SH3PXD2A: variants seen among roughly 807,000 people sequenced by gnomAD.
SH3PXD2A encodes the protein SH3 and PX domains 2A, also known as SH3 and PX domain-containing protein 2A.
A neutral mutation model predicts 115.2 loss-of-function variants in SH3PXD2A; 32 were observed. The observed-to-expected ratio is 0.28, with a 90% CI of 0.21 to 0.37. The LOEUF (loss-of-function observed/expected upper bound fraction) is 0.37, where lower values mean the gene tolerates loss of function less well. SH3PXD2A is among the 10% of genes least tolerant of loss of function. The pLI is 1.00. For missense variants in SH3PXD2A, 1,328 were observed against 1,498.7 expected (o/e 0.89, Z 1.88); for synonymous variants, 610 against 629.1 (o/e 0.97, Z 0.45).
chr10:103,763,231 C>A (rs569486842), intron 3 of SH3PXD2A, among the ~76,000 whole-genome samples: 2 of 152,328 alleles, frequency 1.3e-5, no homozygotes, highest in South Asian at 2.1e-4. Context: ...AGTAAAATTT[C>A]TATGAGCCCT....
At chr10:103,759,276 C>A (rs2038675015) in intron 3 of SH3PXD2A, among the ~76,000 whole-genome samples, 1 of 152,216 alleles carries the variant, frequency 6.6e-6, no homozygotes, top group Non-Finnish European at 1.5e-5. Context: ...ACAAAAGAAG[C>A]AAGCATGCCT....
intron 1 of SH3PXD2A, among the ~76,000 whole-genome samples, chr10:103,827,502 C>G (rs2039442173): frequency 6.6e-6 from 1 of 152,216 alleles, no homozygotes. Flanking sequence ...AGCTACATGA[C>G]TCTCTGAGCC....
chr10:103,833,373 C>T (rs1194117942), intron 1 of SH3PXD2A, among the ~76,000 whole-genome samples: 1 of 152,084 alleles, frequency 6.6e-6, no homozygotes, highest in East Asian at 1.9e-4. Context: ...TGAACTGACC[C>T]ATCTGACATA....
intron 5 of SH3PXD2A, among the ~76,000 whole-genome samples, chr10:103,702,004 A>T (rs976200136): frequency 2.9e-5 from 4 of 138,198 alleles, no homozygotes; most frequent in Non-Finnish European, 6.0e-5. Flanking sequence ...CCATCCATCC[A>T]TCTATCCATC....
intron 2 of SH3PXD2A, among the ~76,000 whole-genome samples, chr10:103,799,752 C>CACT (rs1169581521): frequency 2.0e-5 from 3 of 152,248 alleles, no homozygotes; most frequent in African/African-American, 7.2e-5. Flanking sequence ...CTGTCCAGCA[C>CACT]ACTGCACCCA....
chr10:103,841,546 T>G lies in SH3PXD2A; in HGVS notation c.72+13649A>C, dbSNP rs192914768. ...TGTTTTGGCCAGTTTCAGTCTCCAT[T>G]AGGTCATCATGAGGCCTCACTGCTG... On this transcript the variant is annotated intron_variant, in intron 1 of 14. Coordinates refer to ENST00000369774, the MANE Select transcript of SH3PXD2A (RefSeq NM_001394015.1). 1.9e-3 allele frequency among the ~76,000 whole-genome samples: 285 copies of G among 152,196 alleles called. 1 individual carries two copies. The highest frequency in any genetic ancestry group is 3.1e-3 in the Non-Finnish European group (214 of 68,006).
intron 6 of SH3PXD2A, 105 bp downstream of exon 6, chr10:103,692,923 C>A: frequency 1.1e-6 from 1 of 943,300 alleles, no homozygotes; most frequent in South Asian, 1.4e-5. Flanking sequence ...CGTGCAAGGA[C>A]AACCCCCCCC....
chr10:103,842,166 C>T (rs1213518619), intron 1 of SH3PXD2A, among the ~76,000 whole-genome samples: 2 of 151,558 alleles, frequency 1.3e-5, no homozygotes, highest in Non-Finnish European at 2.9e-5. Context: ...CCACCATCAC[C>T]AACATGCCTG....
chr10:103,841,413 G>A (rs2039596843), intron 1 of SH3PXD2A, among the ~76,000 whole-genome samples: 1 of 152,174 alleles, frequency 6.6e-6, no homozygotes, highest in African/African-American at 2.4e-5. Flanking sequence ...GGGCCCTGGA[G>A]TTCCTACCCA....
intron 6 of SH3PXD2A, among the ~76,000 whole-genome samples, chr10:103,692,229 AG>A (rs1351582249): frequency 6.6e-6 from 1 of 152,186 alleles, no homozygotes; most frequent in Non-Finnish European, 1.5e-5. Flanking sequence ...GCCCACATCC[AG>A]GCGTTTGCCA....
intron 1 of SH3PXD2A, among the ~76,000 whole-genome samples, chr10:103,810,948 G>GCACA (rs1459501583): frequency 7.0e-4 from 3 of 4,268 alleles, no homozygotes; most frequent in African/African-American, 2.2e-3. Context: ...ACAGGCGCGC[G>GCACA]CGCGCACACA....
chr10:103,810,705 C>T (rs2039257455), intron 1 of SH3PXD2A, among the ~76,000 whole-genome samples: 1 of 151,992 alleles, frequency 6.6e-6, no homozygotes, highest in Admixed American at 6.6e-5. Flanking sequence ...TGAATGTGGG[C>T]TATTTAGACA....
intron 1 of SH3PXD2A, among the ~76,000 whole-genome samples, chr10:103,821,370 C>T (rs1021581384): frequency 6.6e-6 from 1 of 152,126 alleles, no homozygotes; most frequent in African/African-American, 2.4e-5. Flanking sequence ...CTCAAGTGAT[C>T]CGTCTGCCTC....
intron 8 of SH3PXD2A, among the ~76,000 whole-genome samples, chr10:103,642,587 G>C (rs992430718): frequency 5.3e-5 from 8 of 152,108 alleles, no homozygotes; most frequent in African/African-American, 1.7e-4. Context: ...TGAAGAATGA[G>C]GCTTAAGTTC....
At chr10:103,814,999 G>GC in intron 1 of SH3PXD2A, among the ~76,000 whole-genome samples, 1 of 151,814 alleles carries the variant, frequency 6.6e-6, no homozygotes, top group East Asian at 1.9e-4. Context: ...GAGGTGGGGG[G>GC]CTCTTCAGTT....
rs1188801964 is a variant in SH3PXD2A at position 103,662,346 on chromosome 10, G to T, written c.473-1232C>A. On this transcript the variant is annotated intron_variant, in intron 7 of 14. Coordinates refer to ENST00000369774, the MANE Select transcript of SH3PXD2A (RefSeq NM_001394015.1). ...CTTCCCATCACCATTATTGGCGGGG[G>T]GGGGGGCGGGGGGGGATAAGACACT... is the stretch of plus-strand genomic sequence containing the variant. Among the ~76,000 whole-genome samples, 4 of 91,050 alleles carry T rather than the reference G, an allele frequency of 4.4e-5. 1 individual carries two copies. The highest frequency in any genetic ancestry group is 5.7e-5 in the African/African-American group (1 of 17,698). 59.7% of individuals were successfully genotyped at this position (91,050 alleles called of 152,430 possible). A position where few individuals can be genotyped will look rare whatever the true frequency, so the allele number is the denominator to read the frequency against.
chr10:103,603,899 C>T, intron 14 of SH3PXD2A, 110 bp from the exon 15 acceptor site: 2 of 1,261,858 alleles, frequency 1.6e-6, no homozygotes, highest in Non-Finnish European at 2.1e-6. Flanking sequence ...CTCCATTTTA[C>T]AGATAATAAA....
chr10:103,834,348 T>C (rs1259885657), intron 1 of SH3PXD2A, among the ~76,000 whole-genome samples: 2 of 152,176 alleles, frequency 1.3e-5, no homozygotes, highest in African/African-American at 2.4e-5. Context: ...GACCAGGTAG[T>C]GTATGACTCC....
At chr10:103,773,226 A>AAG (rs2038846487) in intron 2 of SH3PXD2A, among the ~76,000 whole-genome samples, 1 of 130,122 alleles carries the variant, frequency 7.7e-6, no homozygotes, top group Non-Finnish European at 1.6e-5. Flanking sequence ...CTCTGTCTCA[A>AAG]AAAAAAAAAA....
Sources: allele counts gnomAD v4.1 joint callset (sites outside exome capture counted in the v4.1 genomes callset), GRCh38; gene constraint gnomAD v4.1.1; transcripts MANE v1.5; gene names NCBI Gene and HGNC (gene_info 2026-07-23, HGNC 2026-07-21).